The following CDH7 variants were observed in gnomAD, a reference collection of about 807,000 sequenced individuals.
CDH7 encodes the protein cadherin-7.
In CDH7, 25 loss-of-function variants were observed where a neutral mutation model predicts 71.8. The observed-to-expected ratio is 0.35, with a 90% confidence interval of 0.25 to 0.49. The LOEUF (loss-of-function observed/expected upper bound fraction) is 0.49, where lower values mean the gene tolerates loss of function less well. Ranked by LOEUF, CDH7 falls within the 20% of genes least tolerant of loss-of-function variation. The pLI is 0.99. For missense variants in CDH7, 862 were observed against 974.6 expected, an observed-to-expected ratio of 0.88 and a Z score of 1.54; for synonymous variants, 381 against 363.8, an observed-to-expected ratio of 1.05 and a Z score of -0.54.
At chr18:65,832,728 A>T (rs995614122) in intron 6 of CDH7, among the ~76,000 whole-genome samples, 1 of 152,146 alleles carries the variant, frequency 6.6e-6, no homozygotes, top group South Asian at 2.1e-4. Flanking sequence ...GAGTGAATAT[A>T]GTTTTTGTTT....
intron 2 of CDH7, among the ~76,000 whole-genome samples, chr18:65,789,481 T>TTG (rs34567469): frequency 0.027 from 4,074 of 151,666 alleles, 163 homozygotes; most frequent in African/African-American, 0.081. Context: ...GTTTGTTTTT[T>TTG]TTTGTTTGTT....
intron 2 of CDH7, among the ~76,000 whole-genome samples, chr18:65,798,337 C>T (rs1910991469): frequency 6.6e-6 from 1 of 152,208 alleles, no homozygotes; most frequent in South Asian, 2.1e-4. Flanking sequence ...GTGGCTTCTT[C>T]TTCTGATCAG....
chr18:65,777,284 T>G (rs562210456), intron 2 of CDH7, among the ~76,000 whole-genome samples: 2 of 152,202 alleles, frequency 1.3e-5, no homozygotes, highest in Admixed American at 6.6e-5. Flanking sequence ...ATAATTATGT[T>G]GGTTGACTAT....
intron 2 of CDH7, among the ~76,000 whole-genome samples, chr18:65,808,085 GT>G (rs1247909495): frequency 6.6e-6 from 1 of 152,136 alleles, no homozygotes; most frequent in African/African-American, 2.4e-5. Flanking sequence ...CTTTACCTCA[GT>G]TTCCTCGTCT....
In CDH7 at chr18:65,791,460, G is replaced by A. The variant is rs1283737008; in HGVS notation, c.211-18244G>A. On this transcript the variant is annotated intron_variant, in intron 2 of 11. Transcript: ENST00000397968. ...GTCTTAAAAAAATGAGGTAGAGGAA[G>A]CATCGTTATCACTAGTTCATTTGTA... Among the ~76,000 whole-genome samples the A allele has an allele frequency of 3.3e-5, 5 of 152,294 alleles. No individual in the cohort carries two copies. In the East Asian group the frequency reaches 9.6e-4, roughly 29 times the overall value.
intron 4 of CDH7, 37 bp downstream of exon 4, chr18:65,814,641 ATTTG>A (rs756990157): frequency 6.4e-7 from 1 of 1,574,482 alleles, no homozygotes; most frequent in Non-Finnish European, 8.6e-7. Context: ...TAAAGTCATC[ATTTG>A]TTTGCTGCTT....
At chr18:65,852,828 A>G (rs903538362) in intron 7 of CDH7, among the ~76,000 whole-genome samples, 9 of 152,138 alleles carry the variant, frequency 5.9e-5, no homozygotes, top group African/African-American at 2.2e-4. Context: ...GATCTTACAT[A>G]TTTGTTTGAG....
intron 11 of CDH7, chr18:65,864,057 T>TA (rs1913674727): frequency 6.6e-6 from 1 of 152,222 alleles, no homozygotes; most frequent in South Asian, 2.1e-4. Flanking sequence ...TGGAGGTTAT[T>TA]GTCTTAAGTA....
intron 11 of CDH7, among the ~76,000 whole-genome samples, chr18:65,877,235 C>G (rs992243989): frequency 6.6e-6 from 1 of 152,034 alleles, no homozygotes; most frequent in African/African-American, 2.4e-5. Context: ...ATAAAGCAAA[C>G]TGCATAACAC....
chr18:65,763,245 C>A (rs1916255059), intron 2 of CDH7, among the ~76,000 whole-genome samples, 193 bp downstream of exon 2: 1 of 152,148 alleles, frequency 6.6e-6, no homozygotes. Context: ...GTATAATATT[C>A]ATTACAGTGA....
chr18:65,841,357 A>G (rs1278518830), intron 6 of CDH7, among the ~76,000 whole-genome samples: 1 of 152,190 alleles, frequency 6.6e-6, no homozygotes, highest in Non-Finnish European at 1.5e-5. Context: ...ACAAACTTTT[A>G]CTTGAATACA....
intron 2 of CDH7, among the ~76,000 whole-genome samples, chr18:65,782,047 TTCCTTCCTTCCTTC>T (rs1910289109): frequency 2.9e-5 from 2 of 68,878 alleles, no homozygotes; most frequent in Non-Finnish European, 4.9e-5. Flanking sequence ...CCTTCCTTCC[TTCCTTCCTTCCTTC>T]CTTTCTTTCT....
intron 1 of CDH7, among the ~76,000 whole-genome samples, chr18:65,755,091 G>T (rs1283228396): frequency 2.6e-5 from 4 of 152,146 alleles, no homozygotes; most frequent in Non-Finnish European, 5.9e-5. Flanking sequence ...TTTAAGTACA[G>T]CCAAATCTAC....
At chr18:65,874,540 G>C (rs1261973227) in intron 11 of CDH7, among the ~76,000 whole-genome samples, 1 of 152,040 alleles carries the variant, frequency 6.6e-6, no homozygotes, top group East Asian at 1.9e-4. Context: ...TTGACGGGGA[G>C]TAAGGGTTGA....
intron 6 of CDH7, among the ~76,000 whole-genome samples, chr18:65,837,756 C>T (rs1047313633): frequency 9.2e-5 from 14 of 151,920 alleles, no homozygotes; most frequent in African/African-American, 1.2e-4. Flanking sequence ...AAAATAGAAA[C>T]GACAGAATGC....
intron 6 of CDH7, among the ~76,000 whole-genome samples, chr18:65,830,148 G>A (rs1317376368): frequency 3.9e-5 from 6 of 152,132 alleles, no homozygotes; most frequent in African/African-American, 7.2e-5. Context: ...AGAAAGAACC[G>A]GGGCAATTTC....
At chr18:65,784,642 T>C (rs1045763366) in intron 2 of CDH7, among the ~76,000 whole-genome samples, 1 of 152,188 alleles carries the variant, frequency 6.6e-6, no homozygotes, top group African/African-American at 2.4e-5. Context: ...GCCTTAATCT[T>C]GTTAATTTCA....
At chr18:65,767,526 A>G (rs902465835) in intron 2 of CDH7, among the ~76,000 whole-genome samples, 6 of 152,218 alleles carry the variant, frequency 3.9e-5, no homozygotes, top group Non-Finnish European at 8.8e-5. Context: ...AGAAAAGACA[A>G]ACAGGAAAAG....
At position 65,782,170 on chromosome 18, in the gene CDH7, C is replaced by CTTTCT. The variant is rs1568182755; in HGVS notation, c.210+19121_210+19125dup. Among the ~76,000 whole-genome samples the CTTTCT allele has an allele frequency of 4.2e-5, 5 of 120,134 alleles. 2 individuals carry two copies. The highest frequency in any genetic ancestry group is 1.9e-4 in the African/African-American group (5 of 26,058). The allele number at this position is 120,134 out of a possible 152,430, so 78.8% of individuals were successfully genotyped here. A position where few individuals can be genotyped will look rare whatever the true frequency, so the allele number is the denominator to read the frequency against. On this transcript the variant is annotated intron_variant, in intron 2 of 11. Coordinates refer to ENST00000397968, the MANE Select transcript of CDH7 (RefSeq NM_004361.5). ...TCTTTCTTTCTTTCTTTCTTCCTTT[C>CTTTCT]TTTCTTTCTTTCTTTCTTGACAGAG...
Sources: gnomAD v4.1 joint callset for allele counts (sites outside exome capture counted in the v4.1 genomes callset) on GRCh38, gnomAD v4.1.1 for gene constraint, MANE v1.5 for transcripts, NCBI Gene and HGNC (gene_info 2026-07-23, HGNC 2026-07-21) for gene names.